The following SH2D4B variants were observed in gnomAD, a reference collection of about 807,000 sequenced individuals.
SH2D4B encodes SH2 domain-containing protein 4B.
Under a neutral mutation model 61.5 loss-of-function variants are expected in SH2D4B, and 45 were observed. The observed-to-expected ratio is 0.73, with a 90% confidence interval of 0.58 to 0.94. The LOEUF (loss-of-function observed/expected upper bound fraction) is 0.94, where lower values mean the gene tolerates loss of function less well. SH2D4B is among the 40% of genes least tolerant of loss of function. The pLI, the probability that SH2D4B is intolerant of heterozygous loss-of-function variation, is 0.00. For synonymous variants in SH2D4B, 224 were observed against 220.4 expected (o/e 1.02, Z -0.14); for missense variants, 572 against 574.2 (o/e 1.00, Z 0.04).
chr10:80,583,965 C>T (rs1564774877), intron 3 of SH2D4B, among the ~76,000 whole-genome samples: 1 of 152,098 alleles, frequency 6.6e-6, no homozygotes, highest in African/African-American at 2.4e-5. Flanking sequence ...CAGGGGCTTC[C>T]AGAGAGAAAA....
chr10:80,585,325 T>A (rs1842230743), intron 3 of SH2D4B, among the ~76,000 whole-genome samples: 1 of 135,740 alleles, frequency 7.4e-6, no homozygotes, highest in Admixed American at 7.2e-5. Context: ...CTCCTCTTTT[T>A]CTTTTTTTTT....
At position 80,639,640 on chromosome 10, in the gene SH2D4B, G is replaced by A. The variant is rs1010599058; in HGVS notation, c.1210-4353G>A. Among the ~76,000 whole-genome samples, 6 of 152,010 alleles carry A rather than the reference G, an allele frequency of 3.9e-5. No homozygotes were observed. In the South Asian group the frequency reaches 6.2e-4, roughly 16 times the overall value. On this transcript the variant is annotated intron_variant, in intron 7 of 7. Transcript: ENST00000646907. ...TTGCTTTCCATTTGCTTGGTAGATC[G>A]TCCTTCATCTCTTTATTTTGAGCCT... is the stretch of plus-strand genomic sequence containing the variant.
chr10:80,631,153 A>T (rs1403833695), intron 6 of SH2D4B, among the ~76,000 whole-genome samples: 1 of 152,256 alleles, frequency 6.6e-6, no homozygotes, highest in East Asian at 1.9e-4. Flanking sequence ...TTCAAAGGAT[A>T]TGAAATCAGT....
intron 6 of SH2D4B, among the ~76,000 whole-genome samples, chr10:80,619,334 A>G (rs1842692266): frequency 6.6e-6 from 1 of 152,152 alleles, no homozygotes; most frequent in Admixed American, 6.5e-5. Context: ...GCCTGTAACC[A>G]TGGGAGAGAG....
At chr10:80,546,834 G>A (rs1213367106) in intron 1 of SH2D4B, among the ~76,000 whole-genome samples, 2 of 152,110 alleles carry the variant, frequency 1.3e-5, no homozygotes, top group Admixed American at 6.5e-5. Context: ...GCCAGCATAC[G>A]GTATTTTAAA....
chr10:80,613,685 A>AC (rs1842628128), intron 6 of SH2D4B, among the ~76,000 whole-genome samples: 1 of 152,008 alleles, frequency 6.6e-6, no homozygotes, highest in Non-Finnish European at 1.5e-5. Context: ...CAAACGGGGG[A>AC]CCCCACCTGG....
At chr10:80,607,919 C>CA (rs1440571334) in intron 5 of SH2D4B, among the ~76,000 whole-genome samples, 10 of 152,154 alleles carry the variant, frequency 6.6e-5, no homozygotes, top group African/African-American at 2.2e-4. Flanking sequence ...TATTTTGAGA[C>CA]AGAGTCTTGC....
At chr10:80,627,542 A>T (rs889126140) in intron 6 of SH2D4B, among the ~76,000 whole-genome samples, 2 of 151,946 alleles carry the variant, frequency 1.3e-5, no homozygotes, top group Non-Finnish European at 1.5e-5. Context: ...GGGCTCCAGA[A>T]CTGGGTGGGG....
intron 3 of SH2D4B, among the ~76,000 whole-genome samples, chr10:80,583,733 C>T (rs893249785): frequency 6.6e-6 from 1 of 151,982 alleles, no homozygotes; most frequent in Non-Finnish European, 1.5e-5. Flanking sequence ...AAGATAAACT[C>T]AAGAAGACCA....
chr10:80,598,672 A>T (rs1026066757), intron 4 of SH2D4B, among the ~76,000 whole-genome samples: 2 of 152,200 alleles, frequency 1.3e-5, no homozygotes, highest in African/African-American at 4.8e-5. Context: ...ATTTAGTATC[A>T]CTTGAATACC....
chr10:80,588,709 G>A lies in SH2D4B; in HGVS notation c.575G>A (p.Trp192Ter). 1 of 1,614,100 alleles carries A rather than the reference G, an allele frequency of 6.2e-7. No individual in the cohort carries two copies. The highest frequency in any genetic ancestry group is 8.5e-7 in the Non-Finnish European group (1 of 1,180,034). ...QEEQRAKELYWTLKQAQLHCQ... is the reference protein window; with the variant it reads ...QEEQRAKELY The stretch of plus-strand genomic sequence containing the variant: ...GAGCAGAGGGCGAAGGAGCTCTACT[G>A]GACCCTGAAGCAGGCTCAGCTGCAT... The change falls in exon 4 of 8, where the codon TGG (tryptophan) becomes TAG (stop). Residue 192 changes from tryptophan (W) to a stop codon, truncating the protein, a stop_gained. Transcript: ENST00000646907. LOFTEE classifies it high-confidence loss of function.
chr10:80,582,996 A>G (rs548976739), intron 3 of SH2D4B, among the ~76,000 whole-genome samples: 8 of 152,184 alleles, frequency 5.3e-5, no homozygotes, highest in South Asian at 2.1e-4. Context: ...CCTCCTCTCA[A>G]TGAAGCCTGG....
intron 3 of SH2D4B, among the ~76,000 whole-genome samples, chr10:80,578,762 T>G (rs1026776051): frequency 2.6e-5 from 4 of 152,044 alleles, no homozygotes; most frequent in Non-Finnish European, 5.9e-5. Context: ...GTGATTCAAG[T>G]GATGAGTTTT....
chr10:80,596,699 C>A (rs748019393), intron 4 of SH2D4B, among the ~76,000 whole-genome samples: 5 of 152,174 alleles, frequency 3.3e-5, no homozygotes, highest in African/African-American at 7.2e-5. Flanking sequence ...GAACACTAAG[C>A]AGACATTACA....
At position 80,571,113 on chromosome 10, in the gene SH2D4B, G is replaced by A. The variant is rs528985775; in HGVS notation, c.348-318G>A. Among the ~76,000 whole-genome samples, 5 of 152,202 alleles carry A rather than the reference G, an allele frequency of 3.3e-5. No individual in the cohort carries two copies. In the East Asian group the frequency reaches 7.7e-4, roughly 24 times the overall value. Reference sequence around the variant, plus strand: ...TGGTCTTGAACTCCTGGCCTCAAGCGATCCTCCTGCCACTGCCTCCCAAAA... The same window carrying A: ...TGGTCTTGAACTCCTGGCCTCAAGCAATCCTCCTGCCACTGCCTCCCAAAA... On this transcript the variant is annotated intron_variant, in intron 2 of 7. Transcript: ENST00000646907.
intron 1 of SH2D4B, among the ~76,000 whole-genome samples, chr10:80,554,220 A>T (rs1841798184): frequency 6.6e-6 from 1 of 152,194 alleles, no homozygotes; most frequent in South Asian, 2.1e-4. Context: ...GCTTCCTCGC[A>T]GGATTCTCTG....
rs1023776864 is a variant in SH2D4B at position 80,611,585 on chromosome 10, A to T, written c.988+2034A>T. On this transcript the variant is annotated intron_variant, in intron 6 of 7. Coordinates refer to ENST00000646907, the MANE Select transcript of SH2D4B (RefSeq NM_001388272.1). The stretch of plus-strand genomic sequence containing the variant: ...CCCCGGTAGAACTTCCATTTAAGTC[A>T]CCACTGTGCTTTTTCTTCAGACGTT... Among the ~76,000 whole-genome samples, 10 of 152,168 alleles carry T rather than the reference A, an allele frequency of 6.6e-5. No individual in the cohort carries two copies. The South Asian group carries it at 2.1e-3, about 32-fold the overall frequency.
intron 6 of SH2D4B, among the ~76,000 whole-genome samples, chr10:80,612,332 C>T (rs1842612824): frequency 6.6e-6 from 1 of 152,076 alleles, no homozygotes; most frequent in Non-Finnish European, 1.5e-5. Context: ...AGGTGGCCTG[C>T]ACCAGTCTAA....
chr10:80,609,302 C>A, intron 5 of SH2D4B, 122 bp from the exon 6 acceptor site: 1 of 977,910 alleles, frequency 1.0e-6, no homozygotes, highest in African/African-American at 1.7e-5. Context: ...TCTTCCACCC[C>A]CCCTTCCTCC....
Sources: allele counts gnomAD v4.1 joint callset (sites outside exome capture counted in the v4.1 genomes callset), GRCh38; gene constraint gnomAD v4.1.1; transcripts MANE v1.5; gene names NCBI Gene and HGNC (gene_info 2026-07-23, HGNC 2026-07-21).